The following ATG10 variants were observed in gnomAD, a reference collection of about 807,000 sequenced individuals.
The protein encoded by ATG10 is autophagy related 10, also known as ubiquitin-like-conjugating enzyme ATG10.
ATG10 carries 30 observed loss-of-function variants against 32.1 expected under a neutral mutation model. The observed-to-expected ratio is 0.94, with a 90% confidence interval of 0.70 to 1.27. ATG10 has a LOEUF of 1.27. Among genes scored for constraint, ATG10 ranks in the 50% most tolerant of loss-of-function variants. The pLI is 0.00. For synonymous variants in ATG10, 87 were observed against 91.5 expected (o/e 0.95, Z 0.28); for missense variants, 233 against 262.3 (o/e 0.89, Z 0.77).
At chr5:82,083,350 A>G (rs560445401) in intron 3 of ATG10, among the ~76,000 whole-genome samples, 1 of 152,308 alleles carries the variant, frequency 6.6e-6, no homozygotes, top group South Asian at 2.1e-4. Flanking sequence ...AACTGGGTGG[A>G]GCCCACTGCA....
At chr5:82,047,349 A>T (rs546048719) in intron 2 of ATG10, among the ~76,000 whole-genome samples, 70 of 152,344 alleles carry the variant, frequency 4.6e-4, no homozygotes, top group Non-Finnish European at 7.3e-5. Context: ...AAAATGAAAG[A>T]GGGAAAAGAA....
intron 4 of ATG10, among the ~76,000 whole-genome samples, chr5:82,171,277 A>T (rs1475420385): frequency 6.6e-6 from 1 of 152,228 alleles, no homozygotes; most frequent in Admixed American, 6.5e-5. Flanking sequence ...TATTGGGCAT[A>T]TGTTCATAAA....
At chr5:82,137,479 G>A (rs1294306189) in intron 3 of ATG10, among the ~76,000 whole-genome samples, 1 of 152,200 alleles carries the variant, frequency 6.6e-6, no homozygotes, top group Non-Finnish European at 1.5e-5. Flanking sequence ...CCCGTCTGCT[G>A]TAGGTCTGCG....
intron 5 of ATG10, among the ~76,000 whole-genome samples, chr5:82,249,468 C>T (rs13178351): frequency 6.6e-6 from 1 of 152,250 alleles, no homozygotes; most frequent in East Asian, 1.9e-4. Context: ...GGCTGTTATT[C>T]TTTTCTGTTT....
intron 1 of ATG10, among the ~76,000 whole-genome samples, chr5:81,978,503 C>T (rs1236353255): frequency 1.3e-5 from 2 of 152,186 alleles, no homozygotes; most frequent in Non-Finnish European, 1.5e-5. Context: ...TCAAAGGCAG[C>T]AAGAGAGTTT....
At chr5:82,017,333 G>A (rs1270456062) in intron 2 of ATG10, among the ~76,000 whole-genome samples, 1 of 151,926 alleles carries the variant, frequency 6.6e-6, no homozygotes, top group Non-Finnish European at 1.5e-5. Flanking sequence ...TAGGGTATAC[G>A]ATAATGTCCT....
intron 2 of ATG10, among the ~76,000 whole-genome samples, chr5:82,026,250 A>G (rs570685516): frequency 6.6e-6 from 1 of 152,202 alleles, no homozygotes; most frequent in East Asian, 1.9e-4. Context: ...TCCTTTTGTG[A>G]CTGGCTTGTT....
intron 3 of ATG10, among the ~76,000 whole-genome samples, chr5:82,145,240 A>G (rs1355728375): frequency 6.6e-6 from 1 of 152,100 alleles, no homozygotes; most frequent in Non-Finnish European, 1.5e-5. Flanking sequence ...GTGCATTGGC[A>G]TTTATGTAAT....
intron 3 of ATG10, among the ~76,000 whole-genome samples, chr5:82,140,150 G>A: frequency 8.9e-6 from 1 of 111,960 alleles, no homozygotes; most frequent in Non-Finnish European, 1.9e-5. Flanking sequence ...TGGGAAGTGA[G>A]GAGCCCCTCT....
In ATG10 at chr5:82,172,886, A is replaced by T. The variant is rs1278159247; in HGVS notation, c.356-5604A>T. Among the ~76,000 whole-genome samples, 6 of 152,238 alleles carry T rather than the reference A, an allele frequency of 3.9e-5. No individual in the cohort carries two copies. In the East Asian group the frequency reaches 9.6e-4, roughly 24 times the overall value. On this transcript the variant is annotated intron_variant, in intron 4 of 7. Coordinates refer to ENST00000282185, the MANE Select transcript of ATG10 (RefSeq NM_031482.5). ...ATAGTAGCTGAAATGAATGTACGTGAACAATTGCACTCATTTCATATCACA... is the reference window on the plus strand; with the variant it reads ...ATAGTAGCTGAAATGAATGTACGTGTACAATTGCACTCATTTCATATCACA...
intron 5 of ATG10, among the ~76,000 whole-genome samples, chr5:82,179,183 T>A (rs1405721390): frequency 5.3e-5 from 8 of 152,134 alleles, no homozygotes; most frequent in African/African-American, 1.9e-4. Flanking sequence ...TGAAGATGTA[T>A]CACTTTTGCA....
chr5:82,132,096 C>T (rs1766562666), intron 3 of ATG10, among the ~76,000 whole-genome samples: 2 of 152,046 alleles, frequency 1.3e-5, no homozygotes, highest in African/African-American at 2.4e-5. Flanking sequence ...GACCCACCTC[C>T]AACATTAGGG....
At chr5:82,098,435 C>G (rs898224654) in intron 3 of ATG10, among the ~76,000 whole-genome samples, 1 of 151,558 alleles carries the variant, frequency 6.6e-6, no homozygotes, top group African/African-American at 2.4e-5. Flanking sequence ...CTCAGCCTCC[C>G]GAGTAGCTGG....
At chr5:82,010,290 C>T (rs1267482270) in intron 2 of ATG10, among the ~76,000 whole-genome samples, 1 of 152,150 alleles carries the variant, frequency 6.6e-6, no homozygotes, top group African/African-American at 2.4e-5. Context: ...TAATTCCCCT[C>T]ATATGTGGGG....
rs1185054205 is a variant in ATG10 at position 82,252,660 on chromosome 5, G to A, written c.551+1G>A. Reference sequence around the variant, plus strand: ...TAAAGAATTCTCAGAAAATCAATAAGTAAGAAACACCATCAAGATACATTG... The same window carrying A: ...TAAAGAATTCTCAGAAAATCAATAAATAAGAAACACCATCAAGATACATTG... On this transcript the variant is annotated splice_donor_variant, in intron 6 of 7. Transcript: ENST00000282185. LOFTEE classifies it high-confidence loss of function. 3.2e-6 allele frequency: 5 copies of A among 1,542,968 alleles called. No homozygotes were observed. The highest frequency in any genetic ancestry group is 1.8e-5 in the Admixed American group (1 of 55,282).
In ATG10 at chr5:82,031,981, C is replaced by T. The variant is rs983919191; in HGVS notation, c.109-26514C>T. The stretch of plus-strand genomic sequence containing the variant: ...CTGCTTGGAATGCTCTCTTTGCCTA[C>T]GCTGGCAGGGCTGGGCCTGCCCAGA... On this transcript the variant is annotated intron_variant, in intron 2 of 7. Transcript: ENST00000282185. Among the ~76,000 whole-genome samples the T allele has an allele frequency of 6.6e-5, 10 of 152,356 alleles. No individual in the cohort carries two copies. The East Asian group carries it at 1.2e-3, about 18-fold the overall frequency.
intron 5 of ATG10, among the ~76,000 whole-genome samples, chr5:82,215,620 C>T (rs1745646121): frequency 1.3e-5 from 2 of 152,118 alleles, no homozygotes; most frequent in Admixed American, 1.3e-4. Context: ...ATAAATACAG[C>T]ACCTGCATTG....
At chr5:82,164,378 T>C (rs755547908) in intron 3 of ATG10, 21 bp from the exon 4 acceptor site, 3 of 1,612,118 alleles carry the variant, frequency 1.9e-6, no homozygotes, top group Non-Finnish European at 2.5e-6. Context: ...CCGTTTTCGT[T>C]TTGTTTTTGC....
intron 5 of ATG10, among the ~76,000 whole-genome samples, chr5:82,219,386 C>T (rs1745829425): frequency 6.6e-6 from 1 of 152,148 alleles, no homozygotes; most frequent in African/African-American, 2.4e-5. Flanking sequence ...CCACTGATTC[C>T]CTTCTCTTCT....
Sources: allele counts gnomAD v4.1 joint callset (sites outside exome capture counted in the v4.1 genomes callset), GRCh38; gene constraint gnomAD v4.1.1; transcripts MANE v1.5; gene names NCBI Gene and HGNC (gene_info 2026-07-23, HGNC 2026-07-21).